The following ATXN10 variants were observed in gnomAD, a reference collection of about 807,000 sequenced individuals.
ATXN10 encodes the protein ataxin 10.
In ATXN10, 28 loss-of-function variants were observed where a neutral mutation model predicts 52.9. The ratio of observed to expected loss-of-function variants is 0.53; its 90% CI spans 0.39 to 0.73. ATXN10 has a LOEUF of 0.73. Among genes scored for constraint, ATXN10 ranks in the 30% least tolerant of loss-of-function variants. The pLI, the probability that ATXN10 is intolerant of heterozygous loss-of-function variation, is 0.00. For synonymous variants in ATXN10, 226 were observed against 221.5 expected, an observed-to-expected ratio of 1.02 and a Z score of -0.18; for missense variants, 565 against 577.0, an observed-to-expected ratio of 0.98 and a Z score of 0.21.
intron 1 of ATXN10, chr22:45,672,402 G>T (rs889157113): frequency 4.8e-5 from 14 of 288,854 alleles, no homozygotes; most frequent in Admixed American, 3.5e-4. Context: ...CTCCCCCACC[G>T]CAGCCAGTCC....
chr22:45,718,941 T>C lies in ATXN10; in HGVS notation c.728+448T>C, dbSNP rs1390682955. Among the ~76,000 whole-genome samples the C allele has an allele frequency of 2.0e-5, 3 of 152,148 alleles. No individual in the cohort carries two copies. Among genetic ancestry groups the C allele is most frequent in the Non-Finnish European group, 4.4e-5 (3 of 68,032 alleles). On this transcript the variant is annotated intron_variant, in intron 6 of 11. Coordinates refer to ENST00000252934, the MANE Select transcript of ATXN10 (RefSeq NM_013236.4). This position sits in a 1 kb window ranked among gnomAD's most constrained non-coding sequence, Gnocchi z 4.4. ...CGCCCGTCCACAATGTCACAGTTAC[T>C]GTAGTAGGAAAAACAGTGACCTAGG...
At chr22:45,687,902 C>T (rs560687892) in intron 1 of ATXN10, among the ~76,000 whole-genome samples, 1 of 152,086 alleles carries the variant, frequency 6.6e-6, no homozygotes, top group African/African-American at 2.4e-5. Flanking sequence ...ACTAAAAATA[C>T]AAAAATTAGC....
intron 10 of ATXN10, among the ~76,000 whole-genome samples, chr22:45,815,032 C>T (rs996156342): frequency 1.3e-5 from 2 of 152,180 alleles, no homozygotes; most frequent in African/African-American, 2.4e-5. Flanking sequence ...TTAGGAGACA[C>T]GTGCAAGAAT....
chr22:45,769,643 C>T lies in ATXN10; in HGVS notation c.1173+29105C>T, dbSNP rs1278786125. ...GAAGCTAGAGAGAATCTCAAATAGA[C>T]TTGGTCAAGAAAAGAAGACCAAGGC... is the stretch of plus-strand genomic sequence containing the variant. On this transcript the variant is annotated intron_variant, in intron 9 of 11. Transcript: ENST00000252934. The surrounding 1 kb of genome is among the most constrained non-coding windows in gnomAD (Gnocchi z 4.2). Among the ~76,000 whole-genome samples the T allele has an allele frequency of 6.6e-6, 1 of 152,170 alleles. No individual in the cohort carries two copies. Among genetic ancestry groups the T allele is most frequent in the African/African-American group, 2.4e-5 (1 of 41,436 alleles).
chr22:45,809,314 CCT>C (rs1295506895), intron 10 of ATXN10, among the ~76,000 whole-genome samples: 2 of 152,186 alleles, frequency 1.3e-5, no homozygotes, highest in Non-Finnish European at 2.9e-5. Context: ...TCTTTCCCCC[CCT>C]TTCTTGTGCA....
chr22:45,726,041 G>A (rs1924855946), intron 6 of ATXN10, among the ~76,000 whole-genome samples: 1 of 152,116 alleles, frequency 6.6e-6, no homozygotes, highest in Non-Finnish European at 1.5e-5. Context: ...TGTGCCGATG[G>A]ATTCAGTTTT....
In ATXN10 at chr22:45,715,214, CA is replaced by C. The variant is rs372017556; in HGVS notation, c.648-3198del. Among the ~76,000 whole-genome samples the C allele has an allele frequency of 1.1e-4, 16 of 152,256 alleles. No homozygotes were observed. The highest frequency in any genetic ancestry group is 3.6e-4 in the African/African-American group (15 of 41,558). Reference sequence around the variant, plus strand: ...GAAAATTTCCAAAGTGAAGCAGACCCAGTCTGTTGCCCACTGTTTAAAAACT... The same window carrying C: ...GAAAATTTCCAAAGTGAAGCAGACCCGTCTGTTGCCCACTGTTTAAAAACT... On this transcript the variant is annotated intron_variant, in intron 5 of 11. Transcript: ENST00000252934. The surrounding 1 kb of genome is among the most constrained non-coding windows in gnomAD (Gnocchi z 4.4).
rs1389027094 is a variant in ATXN10 at position 45,744,382 on chromosome 22, C to T, written c.1173+3844C>T. 1 of 152,282 alleles carries T rather than the reference C, an allele frequency of 6.6e-6. No homozygotes were observed. The highest frequency in any genetic ancestry group is 1.5e-5 in the Non-Finnish European group (1 of 68,088). 9.4% of individuals were successfully genotyped at this position (152,282 alleles called of 1,614,324 possible). ...CCACCTGCTGGATGGCCCTCTTACACTTGTGTGGCACTTTCCATTTTCCAG... is the reference window on the plus strand; with the variant it reads ...CCACCTGCTGGATGGCCCTCTTACATTTGTGTGGCACTTTCCATTTTCCAG... On this transcript the variant is annotated intron_variant, in intron 9 of 11. Transcript: ENST00000252934. This position sits in a 1 kb window ranked among gnomAD's most constrained non-coding sequence, Gnocchi z 4.9.
At chr22:45,831,464 G>A (rs1408050837) in intron 10 of ATXN10, among the ~76,000 whole-genome samples, 1 of 152,096 alleles carries the variant, frequency 6.6e-6, no homozygotes, top group Non-Finnish European at 1.5e-5. Context: ...AGGGGCCTGA[G>A]CACAAAATAG....
At chr22:45,798,039 G>A (rs1041337354) in intron 9 of ATXN10, among the ~76,000 whole-genome samples, 1 of 152,190 alleles carries the variant, frequency 6.6e-6, no homozygotes, top group Admixed American at 6.5e-5. Context: ...AGTTTAAAAT[G>A]TTTCTACAAC....
At chr22:45,706,028 A>G (rs891367642) in intron 5 of ATXN10, among the ~76,000 whole-genome samples, 2 of 152,058 alleles carry the variant, frequency 1.3e-5, no homozygotes, top group African/African-American at 2.4e-5. Context: ...TAGGTCTCAC[A>G]CTCCTTATGA....
rs936195748 is a variant in ATXN10, at chr22:45,789,830, T to A, written c.1174-17129T>A. Among the ~76,000 whole-genome samples, 5 of 152,182 alleles carry A rather than the reference T, an allele frequency of 3.3e-5. No individual in the cohort carries two copies. Among genetic ancestry groups the A allele is most frequent in the African/African-American group, 1.2e-4 (5 of 41,430 alleles). ...CCAACTACACTCCTTTTTTTCCTCT[T>A]GGACCGCTGGTGAGGAGTGGATATT... On this transcript the variant is annotated intron_variant, in intron 9 of 11. Transcript: ENST00000252934. The surrounding 1 kb of genome is among the most constrained non-coding windows in gnomAD (Gnocchi z 4.0).
intron 9 of ATXN10, among the ~76,000 whole-genome samples, chr22:45,755,906 C>T (rs1194616358): frequency 1.3e-5 from 2 of 152,128 alleles, no homozygotes; most frequent in Non-Finnish European, 2.9e-5. Context: ...CAATAGCTTG[C>T]CTGAGGTCAC....
intron 1 of ATXN10, among the ~76,000 whole-genome samples, chr22:45,682,175 G>A (rs1193735994): frequency 6.6e-6 from 1 of 152,126 alleles, no homozygotes; most frequent in Non-Finnish European, 1.5e-5. Context: ...TTCCCTGAGT[G>A]ATAATCCTTC....
Position 45,816,261 on chromosome 22 carries a change from AAAAT to A in ATXN10, c.1237+9251_1237+9254del, listed in dbSNP as rs750126229. 8.5e-5 allele frequency among the ~76,000 whole-genome samples: 13 copies of A among 152,326 alleles called. No individual in the cohort carries two copies. The highest frequency in any genetic ancestry group is 1.9e-4 in the Non-Finnish European group (13 of 68,026). On this transcript the variant is annotated intron_variant, in intron 10 of 11. Coordinates refer to ENST00000252934, the MANE Select transcript of ATXN10 (RefSeq NM_013236.4). This position sits in a 1 kb window ranked among gnomAD's most constrained non-coding sequence, Gnocchi z 5.8. Reference sequence around the variant, plus strand: ...GCAGCAAGACTCTATCTAAAAAATAAAAATAAATAAATAAAAATTCACTGCCCTA... The same window carrying A: ...GCAGCAAGACTCTATCTAAAAAATAAAAATAAATAAAAATTCACTGCCCTA...
intron 9 of ATXN10, among the ~76,000 whole-genome samples, chr22:45,753,760 A>G (rs984177844): frequency 6.6e-6 from 1 of 152,094 alleles, no homozygotes; most frequent in African/African-American, 2.4e-5. Context: ...CCACACTGAC[A>G]ATGTGACTCT....
At chr22:45,699,290 G>C (rs2146750457) in intron 3 of ATXN10, among the ~76,000 whole-genome samples, 1 of 152,004 alleles carries the variant, frequency 6.6e-6, no homozygotes, top group East Asian at 1.9e-4. Flanking sequence ...TCTTGTGTCT[G>C]GGACATCTTT....
In ATXN10 at chr22:45,842,905, T is replaced by C. The variant is rs1929392323; in HGVS notation, c.1238-86T>C. 2 of 1,424,466 alleles carry C rather than the reference T, an allele frequency of 1.4e-6. No individual in the cohort carries two copies. Among genetic ancestry groups the C allele is most frequent in the African/African-American group, 1.4e-5 (1 of 71,098 alleles). 88.2% of individuals were successfully genotyped at this position (1,424,466 alleles called of 1,614,324 possible). On this transcript the variant is annotated intron_variant, in intron 10 of 11. Transcript: ENST00000252934. This position sits in a 1 kb window ranked among gnomAD's most constrained non-coding sequence, Gnocchi z 4.8. ...TGATACTGGATGTTCCGTGTTTCTG[T>C]GCTCCTCTACTCCTTTTCTGATAAT...
intron 5 of ATXN10, among the ~76,000 whole-genome samples, chr22:45,710,809 A>G (rs1924216953): frequency 6.6e-6 from 1 of 152,182 alleles, no homozygotes; most frequent in Non-Finnish European, 1.5e-5. Context: ...CTGGCCCTTT[A>G]TGGAAAAGTT....
Sources: gnomAD v4.1 joint callset for allele counts (sites outside exome capture counted in the v4.1 genomes callset) on GRCh38, gnomAD v4.1.1 for gene constraint, Gnocchi (gnomAD v3.1) non-coding constraint, MANE v1.5 for transcripts, NCBI Gene and HGNC (gene_info 2026-07-23, HGNC 2026-07-21) for gene names.